The following RARRES1 variants were observed in gnomAD, a reference collection of about 807,000 sequenced individuals.
RARRES1 encodes the protein retinoic acid receptor responder protein 1.
RARRES1 carries 34 observed loss-of-function variants against 30.6 expected under a neutral mutation model. The observed-to-expected ratio is 1.11, with a 90% CI of 0.84 to 1.48. RARRES1 has a LOEUF of 1.48. Among genes scored for constraint, RARRES1 ranks in the 40% most tolerant of loss-of-function variants. The pLI, the probability that RARRES1 is intolerant of heterozygous loss-of-function variation, is 0.00. For synonymous variants in RARRES1, 153 were observed against 155.5 expected (o/e 0.98, Z 0.12); for missense variants, 373 against 386.5 (o/e 0.97, Z 0.29).
chr3:158,697,910 G>A lies in RARRES1; in HGVS notation c.733C>T (p.Gln245Ter). ...CTACATACAATGTTATGTTTTACCT[G>A]TGTTGATAATTCATGAAGTAGAACA... Reference protein sequence around the residue: ...YTVLLHELSTQEIIPCRIHLV... With the variant: ...YTVLLHELST The change falls in exon 5 of 6, where the codon CAG (glutamine) becomes TAG (stop). Residue 245 changes from glutamine (Q) to a stop codon, truncating the protein, a stop_gained and splice_region_variant. Transcript: ENST00000237696. LOFTEE classifies it high-confidence loss of function. The A allele has an allele frequency of 6.4e-7, 1 of 1,557,090 alleles. No individual in the cohort carries two copies. The highest frequency in any genetic ancestry group is 8.9e-7 in the Non-Finnish European group (1 of 1,129,570).
chr3:158,724,194 C>T (rs576328720), intron 1 of RARRES1, among the ~76,000 whole-genome samples: 49 of 152,064 alleles, frequency 3.2e-4, no homozygotes, highest in Non-Finnish European at 5.3e-4. Flanking sequence ...TTCTGGGTAC[C>T]GGCATATGTC....
intron 4 of RARRES1, among the ~76,000 whole-genome samples, chr3:158,701,885 A>G (rs1234372299): frequency 6.7e-6 from 1 of 148,970 alleles, no homozygotes; most frequent in African/African-American, 2.4e-5. Context: ...TCCTCATTTA[A>G]TAGGCCCTAA....
At position 158,723,661 on chromosome 3, in the gene RARRES1, G is replaced by A. The variant is rs1727584859; in HGVS notation, c.276+8479C>T. 6.6e-6 allele frequency among the ~76,000 whole-genome samples: 1 copy of A among 152,224 alleles called. No homozygotes were observed. Among genetic ancestry groups the A allele is most frequent in the Non-Finnish European group, 1.5e-5 (1 of 68,042 alleles). ...TGTGTCCTCTCTCTCAGCCAACCCT[G>A]GGTCCCACGTTCTTGATTTGGGGTA... On this transcript the variant is annotated intron_variant, in intron 1 of 5. Coordinates refer to ENST00000237696, the MANE Select transcript of RARRES1 (RefSeq NM_206963.2). The surrounding 1 kb of genome is among the most constrained non-coding windows in gnomAD (Gnocchi z 4.4).
At chr3:158,725,729 C>T (rs1727664339) in intron 1 of RARRES1, among the ~76,000 whole-genome samples, 1 of 152,202 alleles carries the variant, frequency 6.6e-6, no homozygotes, top group Non-Finnish European at 1.5e-5. Context: ...GAGATTGAGG[C>T]AAAGTGCCAA....
rs78169321 is a variant in RARRES1, at chr3:158,704,210, C to CTTT, written c.672+578_672+580dup. On this transcript the variant is annotated intron_variant, in intron 4 of 5. Transcript: ENST00000237696. The stretch of plus-strand genomic sequence containing the variant: ...AGGCCTTGCCTAGAATATTGCAATA[C>CTTT]TTTTTTTTTTTTTTTTTTTTTTTTT... Among the ~76,000 whole-genome samples, 134 of 82,824 alleles carry CTTT rather than the reference C, an allele frequency of 1.6e-3. 9 individuals carry two copies. The highest frequency in any genetic ancestry group is 9.3e-3 in the Middle Eastern group (1 of 108). The allele number at this position is 82,824 out of a possible 152,430, so 54.3% of individuals were successfully genotyped here.
At chr3:158,711,212 T>C (rs1727125486) in intron 2 of RARRES1, among the ~76,000 whole-genome samples, 1 of 152,164 alleles carries the variant, frequency 6.6e-6, no homozygotes, top group Non-Finnish European at 1.5e-5. Context: ...ACTGCTTGGC[T>C]CAAACCTTTA....
At chr3:158,720,233 G>GGTGTGTGTGTGTGTGTGTGT (rs781535998) in intron 1 of RARRES1, among the ~76,000 whole-genome samples, 171 of 139,326 alleles carry the variant, frequency 1.2e-3, no homozygotes, top group African/African-American at 3.1e-3. Flanking sequence ...GCTGGCTGCT[G>GGTGTGTGTGTGTGTGTGTGT]GTGTGTGTGT....
intron 1 of RARRES1, among the ~76,000 whole-genome samples, chr3:158,714,487 G>A (rs1673837851): frequency 6.6e-6 from 1 of 152,218 alleles, no homozygotes; most frequent in African/African-American, 2.4e-5. Flanking sequence ...GCGTGAGGTG[G>A]AACTTCAGTC....
intron 3 of RARRES1, among the ~76,000 whole-genome samples, chr3:158,706,811 T>G (rs925682343): frequency 6.6e-6 from 1 of 152,058 alleles, no homozygotes; most frequent in Non-Finnish European, 1.5e-5. Flanking sequence ...TGAAAACAAG[T>G]TGAGTTTGTT....
intron 3 of RARRES1, among the ~76,000 whole-genome samples, chr3:158,706,543 T>C (rs571169895): frequency 1.1e-4 from 17 of 152,230 alleles, no homozygotes; most frequent in Admixed American, 2.0e-4. Context: ...TGAACTGCAG[T>C]TGAGTAGTAA....
chr3:158,706,280 GAGGGACAGCAGGGA>G (rs1726920272), intron 3 of RARRES1, among the ~76,000 whole-genome samples: 1 of 152,200 alleles, frequency 6.6e-6, no homozygotes, highest in African/African-American at 2.4e-5. Flanking sequence ...TCAGAAAGCT[GAGGGACAGCAGGGA>G]AGGGACAGGT....
At chr3:158,714,471 G>A (rs145317674) in intron 1 of RARRES1, among the ~76,000 whole-genome samples, 2 of 152,208 alleles carry the variant, frequency 1.3e-5, no homozygotes, top group Non-Finnish European at 2.9e-5. Flanking sequence ...GGACCCACAA[G>A]CACAGGCGTG....
chr3:158,707,489 A>G (rs1341885727), intron 3 of RARRES1, among the ~76,000 whole-genome samples: 1 of 152,210 alleles, frequency 6.6e-6, no homozygotes, highest in African/African-American at 2.4e-5. Context: ...TGAAAGAACC[A>G]GATAAACTAG....
intron 4 of RARRES1, 161 bp downstream of exon 4, chr3:158,704,630 C>G: frequency 8.6e-7 from 1 of 1,168,522 alleles, no homozygotes; most frequent in East Asian, 2.6e-5. Flanking sequence ...ATCCCCAGCC[C>G]CTGAAACAAT....
At chr3:158,708,865 G>T (rs1031157005) in intron 3 of RARRES1, among the ~76,000 whole-genome samples, 2 of 152,114 alleles carry the variant, frequency 1.3e-5, no homozygotes, top group African/African-American at 4.8e-5. Context: ...CACCGTGTTA[G>T]CCAGGATGGT....
At chr3:158,731,101 A>G (rs1473124114) in intron 1 of RARRES1, among the ~76,000 whole-genome samples, 1 of 152,158 alleles carries the variant, frequency 6.6e-6, no homozygotes, top group Non-Finnish European at 1.5e-5. Context: ...TTTTTCTAGG[A>G]ACAATTTGAT....
At chr3:158,711,388 T>G (rs1247436175) in intron 2 of RARRES1, among the ~76,000 whole-genome samples, 1 of 152,066 alleles carries the variant, frequency 6.6e-6, no homozygotes, top group Non-Finnish European at 1.5e-5. Context: ...GTTTGAAAGA[T>G]TAAGATACTG....
At chr3:158,727,211 G>A (rs1727722711) in intron 1 of RARRES1, among the ~76,000 whole-genome samples, 1 of 152,180 alleles carries the variant, frequency 6.6e-6, no homozygotes, top group Non-Finnish European at 1.5e-5. Context: ...AGACTGGAAG[G>A]AGCTCCAGTT....
At chr3:158,713,411 T>C (rs1727209942) in intron 2 of RARRES1, among the ~76,000 whole-genome samples, 1 of 152,136 alleles carries the variant, frequency 6.6e-6, no homozygotes, top group South Asian at 2.1e-4. Context: ...CACGCTGTGC[T>C]GGCCTGCTAA....
Sources: gnomAD v4.1 joint callset for allele counts (sites outside exome capture counted in the v4.1 genomes callset) on GRCh38, gnomAD v4.1.1 for gene constraint, Gnocchi (gnomAD v3.1) non-coding constraint, MANE v1.5 for transcripts, NCBI Gene and HGNC (gene_info 2026-07-23, HGNC 2026-07-21) for gene names.